The following GRIK3 variants were observed in gnomAD, a reference collection of about 807,000 sequenced individuals.
The protein encoded by GRIK3 is glutamate receptor ionotropic, kainate 3.
GRIK3 carries 29 observed loss-of-function variants against 102.5 expected under a neutral mutation model. That is an observed-to-expected ratio of 0.28 (90% CI 0.21 to 0.39). The LOEUF (loss-of-function observed/expected upper bound fraction) is 0.39, where lower values mean the gene tolerates loss of function less well. Ranked by LOEUF, GRIK3 falls within the 10% of genes least tolerant of loss-of-function variation. GRIK3 has a pLI of 1.00. For missense variants in GRIK3, 908 were observed against 1,252.4 expected (o/e 0.73, Z 4.15); for synonymous variants, 511 against 504.9 (o/e 1.01, Z -0.16).
intron 15 of GRIK3, among the ~76,000 whole-genome samples, chr1:36,804,174 G>A (rs564726052): frequency 4.6e-5 from 7 of 152,234 alleles, no homozygotes; most frequent in East Asian, 1.9e-4. Context: ...CGTTTTTTAC[G>A]GATATGTAAG....
In GRIK3 at chr1:36,904,768, G is replaced by C. The variant is rs1641267720; in HGVS notation, c.116-13672C>G. ...ATTTTACTCACATGATGCAAAGTGG[G>C]TACAGATGGGGCAGAAGAGGCCATG... On this transcript the variant is annotated intron_variant, in intron 1 of 15. Transcript: ENST00000373091. 2.0e-5 allele frequency among the ~76,000 whole-genome samples: 3 copies of C among 152,162 alleles called. No individual in the cohort carries two copies. The South Asian group carries it at 6.2e-4, about 32-fold the overall frequency.
intron 1 of GRIK3, among the ~76,000 whole-genome samples, chr1:36,988,597 T>C (rs1047834933): frequency 1.3e-5 from 2 of 152,222 alleles, no homozygotes; most frequent in African/African-American, 4.8e-5. Context: ...TACTCCTGAG[T>C]GTTGCAAAGT....
chr1:36,870,652 C>T (rs1640832773), intron 4 of GRIK3, among the ~76,000 whole-genome samples: 1 of 152,216 alleles, frequency 6.6e-6, no homozygotes, highest in African/African-American at 2.4e-5. Flanking sequence ...CTGGCTTTGG[C>T]TCAGCTCAGA....
At chr1:36,921,472 G>A (rs747142698) in intron 1 of GRIK3, among the ~76,000 whole-genome samples, 3 of 152,176 alleles carry the variant, frequency 2.0e-5, no homozygotes, top group Non-Finnish European at 4.4e-5. Context: ...ACCTCTGAAC[G>A]ATATCTCGAT....
chr1:36,966,019 T>C (rs953027773), intron 1 of GRIK3, among the ~76,000 whole-genome samples: 1 of 152,188 alleles, frequency 6.6e-6, no homozygotes, highest in East Asian at 1.9e-4. Flanking sequence ...GGAAGCATGG[T>C]GCTGAGACGG....
chr1:37,011,775 A>G (rs1642598364), intron 1 of GRIK3, among the ~76,000 whole-genome samples: 1 of 152,204 alleles, frequency 6.6e-6, no homozygotes, highest in Admixed American at 6.5e-5. Context: ...TTCAGGGAAG[A>G]CCATGGGCCT....
intron 1 of GRIK3, among the ~76,000 whole-genome samples, chr1:36,941,953 G>T (rs1035161331): frequency 6.6e-6 from 1 of 152,172 alleles, no homozygotes; most frequent in Non-Finnish European, 1.5e-5. Context: ...CCTTGCAGAT[G>T]CAGGAATAGA....
At chr1:36,989,473 G>A (rs1310241527) in intron 1 of GRIK3, among the ~76,000 whole-genome samples, 2 of 152,180 alleles carry the variant, frequency 1.3e-5, no homozygotes, top group Non-Finnish European at 2.9e-5. Flanking sequence ...AGGCGGCTGC[G>A]GCAGTGTGCG....
chr1:37,021,104 G>A (rs976196760), intron 1 of GRIK3, among the ~76,000 whole-genome samples: 1,546 of 143,012 alleles, frequency 0.011, 22 homozygotes, highest in African/African-American at 0.036. Flanking sequence ...GTGTGTGTGT[G>A]TGTGTGTGTG....
At chr1:37,025,167 G>T (rs1368741009) in intron 1 of GRIK3, among the ~76,000 whole-genome samples, 1 of 152,192 alleles carries the variant, frequency 6.6e-6, no homozygotes, top group Non-Finnish European at 1.5e-5. Context: ...CAAAACATCT[G>T]CAGTAAAGCA....
At chr1:36,962,787 G>A (rs1451628148) in intron 1 of GRIK3, among the ~76,000 whole-genome samples, 1 of 150,748 alleles carries the variant, frequency 6.6e-6, no homozygotes, top group Non-Finnish European at 1.5e-5. Flanking sequence ...GGGAGGTTGA[G>A]GCAGGAGGAT....
At chr1:36,816,758 C>A (rs1169331420) in intron 13 of GRIK3, among the ~76,000 whole-genome samples, 1 of 152,174 alleles carries the variant, frequency 6.6e-6, no homozygotes, top group Non-Finnish European at 1.5e-5. Context: ...CCCTCCTTCC[C>A]ACTTCTCCAG....
In GRIK3 at chr1:36,806,214, G is replaced by T; in HGVS notation, c.2204C>A (p.Ala735Glu). Residue 735 changes from alanine (A) to glutamate (E), a missense_variant, in exon 14 of 16, where the codon GCG becomes GAG. Around this residue, in one of 3 missense-constraint regions of GRIK3, gnomAD observed 297 missense variants for 362.7 expected, o/e 0.82. Coordinates refer to ENST00000373091, the MANE Select transcript of GRIK3 (RefSeq NM_000831.4). This position sits in a 1 kb window ranked among gnomAD's most constrained non-coding sequence, Gnocchi z 4.0. ...GATGGTGGTGGACTCCATGAGCAGC[G>T]CGTAGTCGGCCGTCAGGGCCCTCTG... The part of the protein sequence containing the change: ...GIQRALTADY[A>E]LLMESTTIEY... 1.2e-6 allele frequency: 2 copies of T among 1,613,932 alleles called. No individual in the cohort carries two copies. Among genetic ancestry groups the T allele is most frequent in the Non-Finnish European group, 1.7e-6 (2 of 1,179,786 alleles).
intron 1 of GRIK3, among the ~76,000 whole-genome samples, chr1:37,008,920 AAAGG>A (rs1642559792): frequency 6.6e-6 from 1 of 152,156 alleles, no homozygotes; most frequent in Non-Finnish European, 1.5e-5. Context: ...TTCTTGCTAA[AAAGG>A]AAGAGGCAGC....
chr1:36,859,108 C>T lies in GRIK3; in HGVS notation c.1104G>A (p.Glu368=). ...CTGGTGGGGGCTGTGGGGCACTCAC[C>T]TCCTTGATGAAGTTCATGAAGCGGC... ...FGGRFMNFIK[E]AQWEGLTGRI... The change falls in exon 7 of 16, where the codon GAG becomes GAA. Residue 368 remains glutamate (E), a splice_region_variant and synonymous_variant. Coordinates refer to ENST00000373091, the MANE Select transcript of GRIK3 (RefSeq NM_000831.4). 2.5e-6 allele frequency: 4 copies of T among 1,604,658 alleles called. No individual in the cohort carries two copies. Among genetic ancestry groups the T allele is most frequent in the Non-Finnish European group, 3.4e-6 (4 of 1,173,490 alleles).
intron 1 of GRIK3, among the ~76,000 whole-genome samples, chr1:36,909,156 G>A (rs1570792995): frequency 6.6e-6 from 1 of 152,120 alleles, no homozygotes; most frequent in East Asian, 1.9e-4. Context: ...TGCTGCAGCC[G>A]GCTAGTACCA....
At chr1:37,020,899 T>C (rs1642704349) in intron 1 of GRIK3, among the ~76,000 whole-genome samples, 1 of 152,206 alleles carries the variant, frequency 6.6e-6, no homozygotes, top group South Asian at 2.1e-4. Context: ...TTGGGGTGTC[T>C]CTCAATCTCC....
At chr1:36,870,955 G>A (rs1179774387) in intron 4 of GRIK3, among the ~76,000 whole-genome samples, 2 of 152,114 alleles carry the variant, frequency 1.3e-5, no homozygotes, top group Non-Finnish European at 2.9e-5. Flanking sequence ...GAGGCACTGG[G>A]CACAGCTGAT....
chr1:36,997,400 G>A (rs1245954509), intron 1 of GRIK3, among the ~76,000 whole-genome samples: 2 of 152,210 alleles, frequency 1.3e-5, no homozygotes, highest in African/African-American at 4.8e-5. Flanking sequence ...CATTTTTAAG[G>A]CAGTAAAGCT....
Sources: gnomAD v4.1 joint callset for allele counts (sites outside exome capture counted in the v4.1 genomes callset) on GRCh38, gnomAD v4.1.1 for gene constraint, gnomAD v4.1.1 regional missense constraint, Gnocchi (gnomAD v3.1) non-coding constraint, MANE v1.5 for transcripts, NCBI Gene and HGNC (gene_info 2026-07-23, HGNC 2026-07-21) for gene names.